Variants in VAV3 observed in about 807,000 individuals in gnomAD.
VAV3 encodes the protein guanine nucleotide exchange factor VAV3.
A neutral mutation model predicts 131.2 loss-of-function variants in VAV3; 94 were observed. The observed-to-expected ratio is 0.72, with a 90% confidence interval of 0.61 to 0.85. The LOEUF is 0.85. Among genes scored for constraint, VAV3 ranks in the 40% least tolerant of loss-of-function variants. The pLI is 0.00. For synonymous variants in VAV3, 349 were observed against 342.0 expected, an observed-to-expected ratio of 1.02 and a Z score of -0.22; for missense variants, 939 against 1,002.7, an observed-to-expected ratio of 0.94 and a Z score of 0.86.
intron 20 of VAV3, among the ~76,000 whole-genome samples, chr1:107,618,030 A>T (rs191534197): frequency 6.6e-6 from 1 of 151,974 alleles, no homozygotes; most frequent in East Asian, 1.9e-4. Flanking sequence ...CAGGCATTAG[A>T]CTCTCATAAA....
intron 2 of VAV3, among the ~76,000 whole-genome samples, chr1:107,864,720 A>T (rs1428315984): frequency 6.6e-6 from 1 of 152,212 alleles, no homozygotes; most frequent in Non-Finnish European, 1.5e-5. Flanking sequence ...CAGTCTGTCT[A>T]AAGTGGCTTC....
intron 1 of VAV3, among the ~76,000 whole-genome samples, chr1:107,901,614 T>C (rs1671858536): frequency 6.6e-6 from 1 of 152,228 alleles, no homozygotes. Context: ...CCATTAGTAA[T>C]AATTGTGGGT....
At chr1:107,637,613 C>T (rs1195333160) in intron 20 of VAV3, among the ~76,000 whole-genome samples, 1 of 152,190 alleles carries the variant, frequency 6.6e-6, no homozygotes, top group Non-Finnish European at 1.5e-5. Context: ...GCCTGGGCAA[C>T]AGAGCGAGAC....
intron 1 of VAV3, among the ~76,000 whole-genome samples, chr1:107,880,802 A>G (rs1361319790): frequency 1.7e-5 from 1 of 58,496 alleles, no homozygotes; most frequent in Non-Finnish European, 3.4e-5. Flanking sequence ...TCTCCAAAAA[A>G]AAAAAAGAAA....
In VAV3 at chr1:107,757,255, C is replaced by T. The variant is rs1293799123; in HGVS notation, c.1086+6G>A. On this transcript the variant is annotated splice_donor_region_variant and intron_variant, in intron 11 of 26. Transcript: ENST00000370056. ...TACAAACAAATTACTGATGAATCTG[C>T]CCTACCTTCATGGCATCAAGAGCCA... 1.9e-6 allele frequency: 3 copies of T among 1,611,578 alleles called. No individual in the cohort carries two copies. The African/African-American group carries it at 4.0e-5, about 22-fold the overall frequency.
rs189202163 is a variant in VAV3, at chr1:107,782,607, G to A, written c.322-3115C>T. 3.2e-3 allele frequency among the ~76,000 whole-genome samples: 491 copies of A among 152,320 alleles called. 2 individuals are homozygous for A. Among genetic ancestry groups the A allele is most frequent in the Middle Eastern group, 6.8e-3 (2 of 294 alleles). ...CAGCATGCAGTGTATCCCAAAGTGAGTGAGAACTGGCACTCAGTTTTGTGT... is the reference window on the plus strand; with the variant it reads ...CAGCATGCAGTGTATCCCAAAGTGAATGAGAACTGGCACTCAGTTTTGTGT... On this transcript the variant is annotated intron_variant, in intron 2 of 26. Transcript: ENST00000370056.
chr1:107,709,791 G>C (rs548323770), intron 15 of VAV3, among the ~76,000 whole-genome samples: 1 of 152,132 alleles, frequency 6.6e-6, no homozygotes, highest in Non-Finnish European at 1.5e-5. Context: ...GAGAAAGGAC[G>C]TGTTTGTCTC....
chr1:107,748,511 A>G (rs181548495), intron 15 of VAV3, among the ~76,000 whole-genome samples: 1 of 152,358 alleles, frequency 6.6e-6, no homozygotes, highest in African/African-American at 2.4e-5. Context: ...AGATTCAAAT[A>G]AGCGAGTTAA....
chr1:107,898,220 G>A (rs563549791), intron 1 of VAV3, among the ~76,000 whole-genome samples: 2 of 152,204 alleles, frequency 1.3e-5, no homozygotes, highest in African/African-American at 4.8e-5. Flanking sequence ...TATACATGTA[G>A]GGAATTACAC....
intron 1 of VAV3, among the ~76,000 whole-genome samples, chr1:107,879,279 A>T (rs1194433186): frequency 6.6e-6 from 1 of 152,202 alleles, no homozygotes; most frequent in Non-Finnish European, 1.5e-5. Context: ...CTCCTAGAAT[A>T]CAAGAGCCAA....
intron 2 of VAV3, among the ~76,000 whole-genome samples, chr1:107,871,553 A>G (rs951892579): frequency 1.3e-5 from 2 of 152,008 alleles, no homozygotes; most frequent in African/African-American, 4.8e-5. Context: ...ATTTTTGTTG[A>G]TGTTGGTGGA....
intron 19 of VAV3, 102 bp from the exon 20 acceptor site, chr1:107,642,857 A>G (rs1655453359): frequency 2.0e-6 from 3 of 1,506,680 alleles, no homozygotes; most frequent in Non-Finnish European, 2.7e-6. Context: ...AAAAGTGTTA[A>G]TACCACCAAG....
At chr1:107,579,557 T>A (rs12119581) in intron 25 of VAV3, among the ~76,000 whole-genome samples, 1,697 of 152,306 alleles carry the variant, frequency 0.011, 14 homozygotes, top group Non-Finnish European at 0.018. Context: ...AGTTAATCGT[T>A]CAGTAATTCT....
At chr1:107,656,379 G>T (rs74817473) in intron 19 of VAV3, among the ~76,000 whole-genome samples, 1 of 152,028 alleles carries the variant, frequency 6.6e-6, no homozygotes, top group African/African-American at 2.4e-5. Flanking sequence ...GACAAATATT[G>T]CATGTTCTCC....
At chr1:107,721,607 C>A (rs147878271) in intron 15 of VAV3, among the ~76,000 whole-genome samples, 2 of 152,140 alleles carry the variant, frequency 1.3e-5, no homozygotes. Context: ...TTCAACCCAA[C>A]AGCAGATGGG....
At chr1:107,574,346 G>A in intron 25 of VAV3, 148 bp from the exon 26 acceptor site, 2 of 955,810 alleles carry the variant, frequency 2.1e-6, no homozygotes, top group Non-Finnish European at 1.4e-6. Context: ...CTTGAAAGCA[G>A]CAGAATTGCT....
In VAV3 at chr1:107,601,048, C is replaced by T. The variant is rs571570589; in HGVS notation, c.2220+1349G>A. On this transcript the variant is annotated intron_variant, in intron 24 of 26. Coordinates refer to ENST00000370056, the MANE Select transcript of VAV3 (RefSeq NM_006113.5). ...TGCAGAGATGTGGAGAGCCCCTGTG[C>T]GTGCTTTTATCATGTCTCAGCTGTG... Among the ~76,000 whole-genome samples the T allele has an allele frequency of 1.3e-4, 20 of 152,240 alleles. 1 individual carries two copies. The highest frequency in any genetic ancestry group is 4.6e-4 in the African/African-American group (19 of 41,538).
intron 21 of VAV3, 52 bp downstream of exon 21, chr1:107,617,515 A>G: frequency 6.5e-7 from 1 of 1,534,266 alleles, no homozygotes. Context: ...ACAATTAATC[A>G]CAGGATCAAA....
chr1:107,881,001 A>G (rs546267364), intron 1 of VAV3, among the ~76,000 whole-genome samples: 4 of 152,278 alleles, frequency 2.6e-5, no homozygotes, highest in Admixed American at 2.6e-4. Context: ...TTAGAGATTT[A>G]CCAACATTTA....
Sources: gnomAD v4.1 joint callset for allele counts (sites outside exome capture counted in the v4.1 genomes callset) on GRCh38, gnomAD v4.1.1 for gene constraint, MANE v1.5 for transcripts, NCBI Gene and HGNC (gene_info 2026-07-23, HGNC 2026-07-21) for gene names.